ESF1: variants seen among roughly 807,000 people sequenced by gnomAD.
The protein encoded by ESF1 is ESF1 homolog.
In ESF1, 58 loss-of-function variants were observed where a neutral mutation model predicts 92.0. The ratio of observed to expected loss-of-function variants is 0.63; its 90% confidence interval spans 0.51 to 0.78. ESF1 has a LOEUF of 0.78. Among genes scored for constraint, ESF1 ranks in the 30% least tolerant of loss-of-function variants. The pLI, the probability that ESF1 is intolerant of heterozygous loss-of-function variation, is 0.00. For synonymous variants in ESF1, 321 were observed against 313.7 expected (o/e 1.02, Z -0.24); for missense variants, 922 against 989.1 (o/e 0.93, Z 0.91).
In ESF1 at chr20:13,745,322, G is replaced by A. The variant is rs558146973; in HGVS notation, c.1829-11480C>T. On this transcript the variant is annotated intron_variant, in intron 9 of 13. Transcript: ENST00000617257. ...GGCACTGTTTCATAACAGAAATAAA[G>A]TATAATAATGAGCAATAGAACAGAT... 2.6e-5 allele frequency among the ~76,000 whole-genome samples: 4 copies of A among 152,196 alleles called. No individual in the cohort carries two copies. In the East Asian group the frequency reaches 7.7e-4, roughly 29 times the overall value.
At chr20:13,727,671 G>C (rs2049910157) in intron 11 of ESF1, among the ~76,000 whole-genome samples, 1 of 152,052 alleles carries the variant, frequency 6.6e-6, no homozygotes, top group Non-Finnish European at 1.5e-5. Context: ...TTACACATAC[G>C]CATTTCCTCC....
chr20:13,763,987 C>T (rs1474092864), intron 8 of ESF1, among the ~76,000 whole-genome samples: 1 of 151,904 alleles, frequency 6.6e-6, no homozygotes, highest in Non-Finnish European at 1.5e-5. Flanking sequence ...CTAAAAGAAA[C>T]AATGATAGGC....
intron 12 of ESF1, 114 bp from the exon 13 acceptor site, chr20:13,717,628 C>T (rs987674393): frequency 8.9e-7 from 1 of 1,124,808 alleles, no homozygotes. Context: ...ATCACTAGAA[C>T]TCTGGGGTAC....
At chr20:13,781,865 T>C (rs1980205913) in intron 2 of ESF1, among the ~76,000 whole-genome samples, 1 of 152,178 alleles carries the variant, frequency 6.6e-6, no homozygotes, top group African/African-American at 2.4e-5. Context: ...GACGGAGTCC[T>C]ACTTACCCTA....
intron 9 of ESF1, among the ~76,000 whole-genome samples, chr20:13,737,082 C>T (rs2049980182): frequency 6.7e-6 from 1 of 148,710 alleles, no homozygotes; most frequent in South Asian, 2.1e-4. Flanking sequence ...TCTTCAGAGA[C>T]AGTTTTAGCC....
intron 11 of ESF1, among the ~76,000 whole-genome samples, chr20:13,719,522 A>T (rs2049853307): frequency 6.6e-6 from 1 of 152,158 alleles, no homozygotes; most frequent in Non-Finnish European, 1.5e-5. Context: ...ATATAGCATC[A>T]TCATTAGAAA....
At position 13,733,651 on chromosome 20, in the gene ESF1, C is replaced by T. The variant is rs556993693; in HGVS notation, c.1950+70G>A. The T allele has an allele frequency of 4.8e-6, 7 of 1,464,420 alleles. 1 individual carries two copies. In the East Asian group the frequency reaches 1.6e-4, roughly 34 times the overall value. The allele number at this position is 1,464,420 out of a possible 1,614,324, so 90.7% of individuals were successfully genotyped here. On this transcript the variant is annotated intron_variant, in intron 10 of 13. Transcript: ENST00000617257. ...TGGTTACATTTTGAGATAATGGATT[C>T]CAAGCACCTGGTACCATCTGATATA...
intron 9 of ESF1, among the ~76,000 whole-genome samples, chr20:13,742,139 G>A (rs2050017219): frequency 6.6e-6 from 1 of 152,150 alleles, no homozygotes; most frequent in African/African-American, 2.4e-5. Flanking sequence ...GGCCAATACG[G>A]GTGGATTACC....
At chr20:13,776,840 G>A (rs971941465) in intron 2 of ESF1, among the ~76,000 whole-genome samples, 3 of 152,116 alleles carry the variant, frequency 2.0e-5, no homozygotes, top group Non-Finnish European at 2.9e-5. Context: ...GTTTGAAAGA[G>A]CAAGGAAGGT....
intron 8 of ESF1, among the ~76,000 whole-genome samples, chr20:13,765,420 A>C (rs972663250): frequency 3.3e-5 from 5 of 152,232 alleles, no homozygotes; most frequent in Admixed American, 1.3e-4. Flanking sequence ...GAGAAGACTT[A>C]CTATTTCAAA....
intron 3 of ESF1, among the ~76,000 whole-genome samples, chr20:13,775,534 G>C (rs1342603714): frequency 6.6e-6 from 1 of 152,114 alleles, no homozygotes; most frequent in East Asian, 1.9e-4. Flanking sequence ...TAACCACCAA[G>C]TTTGTTCAGC....
intron 9 of ESF1, among the ~76,000 whole-genome samples, 154 bp downstream of exon 9, chr20:13,759,538 A>G (rs1051041607): frequency 6.6e-6 from 1 of 152,226 alleles, no homozygotes; most frequent in African/African-American, 2.4e-5. Flanking sequence ...TAAGTTGGTA[A>G]GAGTCTAAAA....
Position 13,775,902 on chromosome 20 carries a change from A to G in ESF1, c.1006T>C (p.Leu336=). Residue 336 remains leucine (L), a synonymous_variant, in exon 3 of 14, where the codon TTA becomes CTA. Coordinates refer to ENST00000617257, the MANE Select transcript of ESF1 (RefSeq NM_001276380.2). ...TCAGCACGAGGAGCATCTTTATCTA[A>G]TTCTCTCCAAGCATGCTCAAAACCA... ...ESGFEHAWRE[L]DKDAPRADEI... 1 of 1,610,888 alleles carries G rather than the reference A, an allele frequency of 6.2e-7. No individual in the cohort carries two copies. Among genetic ancestry groups the G allele is most frequent in the South Asian group, 1.1e-5 (1 of 90,364 alleles).
At chr20:13,718,634 G>A (rs6079149) in intron 12 of ESF1, among the ~76,000 whole-genome samples, 47,203 of 151,962 alleles carry the variant, frequency 0.31, 7,767 homozygotes, top group Non-Finnish European at 0.37. Context: ...GTTTTTAAAA[G>A]TGAGATAATT....
At chr20:13,726,807 AT>A in intron 11 of ESF1, among the ~76,000 whole-genome samples, 1 of 151,596 alleles carries the variant, frequency 6.6e-6, no homozygotes, top group East Asian at 2.0e-4. Flanking sequence ...TATGTAAAAA[AT>A]TCTGGCCTTG....
At chr20:13,771,538 T>C (rs1169935314) in intron 5 of ESF1, 55 bp from the exon 6 acceptor site, 11 of 1,417,882 alleles carry the variant, frequency 7.8e-6, no homozygotes, top group Non-Finnish European at 1.1e-5. Flanking sequence ...AAAATTTCCC[T>C]TTAAAAAATA....
intron 2 of ESF1, among the ~76,000 whole-genome samples, chr20:13,778,743 T>C (rs1980052663): frequency 6.6e-6 from 1 of 152,214 alleles, no homozygotes; most frequent in African/African-American, 2.4e-5. Flanking sequence ...TCAGAGTATT[T>C]ATTCATTCAA....
chr20:13,729,442 T>C (rs1287915033), intron 10 of ESF1, among the ~76,000 whole-genome samples: 1 of 151,794 alleles, frequency 6.6e-6, no homozygotes, highest in East Asian at 1.9e-4. Context: ...TAATTCAAGA[T>C]AGGAAGGGTT....
At chr20:13,753,407 G>A (rs867994960) in intron 9 of ESF1, among the ~76,000 whole-genome samples, 131 of 149,320 alleles carry the variant, frequency 8.8e-4, no homozygotes, top group African/African-American at 3.1e-3. Context: ...CCTCCCCAGT[G>A]CCTCCACTCT....
Sources: gnomAD v4.1 joint callset for allele counts (sites outside exome capture counted in the v4.1 genomes callset) on GRCh38, gnomAD v4.1.1 for gene constraint, MANE v1.5 for transcripts, NCBI Gene and HGNC (gene_info 2026-07-23, HGNC 2026-07-21) for gene names.